IFNL1: variants seen among roughly 807,000 people sequenced by gnomAD.
IFNL1 encodes the protein interferon lambda 1.
Under a neutral mutation model 17.1 loss-of-function variants are expected in IFNL1, and 16 were observed. The ratio of observed to expected loss-of-function variants is 0.93; its 90% CI spans 0.63 to 1.42. The LOEUF is 1.42. Among genes scored for constraint, IFNL1 ranks in the 40% most tolerant of loss-of-function variants. The probability of loss-of-function intolerance (pLI) is 0.00; values close to 1 mark genes in which losing one functional copy is unlikely to be tolerated. For synonymous variants in IFNL1, 104 were observed against 111.4 expected, an observed-to-expected ratio of 0.93 and a Z score of 0.42; for missense variants, 262 against 249.4, an observed-to-expected ratio of 1.05 and a Z score of -0.34.
rs1419662390 is a variant in IFNL1, at chr19:39,296,844, C to A, written c.211C>A (p.Pro71Thr). The change falls in exon 2 of 5, where the codon CCT (proline) becomes ACT (threonine). Residue 71 changes from proline to threonine, a missense_variant. By Grantham distance (38) the Pro-to-Thr change is conservative. Coordinates refer to ENST00000333625, the MANE Select transcript of IFNL1 (RefSeq NM_172140.2). The stretch of plus-strand genomic sequence containing the variant: ...GCTGAAAAACTGGAGTTGCAGCTCT[C>A]CTGTCTTCCCCGGGAATTGGGACCT... ...LKLKNWSCSS[P>T]VFPGNWDLRL... 5 of 1,614,058 alleles carry A rather than the reference C, an allele frequency of 3.1e-6. No homozygotes were observed. In the African/African-American group the frequency reaches 6.7e-5, roughly 22 times the overall value.
intron 2 of IFNL1, among the ~76,000 whole-genome samples, chr19:39,297,699 C>T (rs1369710332): frequency 2.0e-5 from 3 of 151,930 alleles, no homozygotes; most frequent in Non-Finnish European, 4.4e-5. Context: ...GTCCCCACCC[C>T]GCCCCAGAGA....
Position 39,296,428 on chromosome 19 carries a change from G to A in IFNL1, c.7G>A (p.Ala3Thr). Reference protein sequence around the residue: MAAAWTVVLVTLV... With the variant: MATAWTVVLVTLV... The stretch of plus-strand genomic sequence containing the variant: ...AAGCAGTTGCGATTTAGCCATGGCT[G>A]CAGCTTGGACCGTGGTGCTGGTGAC... The change falls in exon 1 of 5, where the codon GCA becomes ACA. Residue 3 changes from alanine to threonine, a missense_variant. By Grantham distance (58) the Ala-to-Thr change is moderately conservative. Coordinates refer to ENST00000333625, the MANE Select transcript of IFNL1 (RefSeq NM_172140.2). 1 of 1,609,560 alleles carries A rather than the reference G, an allele frequency of 6.2e-7. No individual in the cohort carries two copies. The highest frequency in any genetic ancestry group is 8.5e-7 in the Non-Finnish European group (1 of 1,179,340).
At chr19:39,297,877 G>A (rs2075104900) in intron 2 of IFNL1, 87 bp from the exon 3 acceptor site, 43 of 1,537,840 alleles carry the variant, frequency 2.8e-5, no homozygotes, top group Non-Finnish European at 3.4e-5. Flanking sequence ...CTGTGTCACC[G>A]ACCTTCCCCA....
At chr19:39,297,783 T>C (rs1398222341) in intron 2 of IFNL1, among the ~76,000 whole-genome samples, 181 bp from the exon 3 acceptor site, 1 of 146,706 alleles carries the variant, frequency 6.8e-6, no homozygotes, top group Non-Finnish European at 1.5e-5. Flanking sequence ...TCCTTGACCA[T>C]CCTGCCTCAC....
rs780322106 is a variant in IFNL1 at position 39,298,468 on chromosome 19, C to T, written c.555C>T (p.Ala185=). The T allele has an allele frequency of 5.1e-5, 83 of 1,614,044 alleles. No homozygotes were observed. The highest frequency in any genetic ancestry group is 6.6e-5 in the Non-Finnish European group (78 of 1,180,042). ...RLLTRDLKYV[A]DGNLCLRTST... ...TCACGCGAGACCTCAAATATGTGGC[C>T]GATGGGAACCTGTGTCTGAGAACGT... is the stretch of plus-strand genomic sequence containing the variant. Residue 185 remains alanine (A), a synonymous_variant, in exon 5 of 5, where the codon GCC becomes GCT. Coordinates refer to ENST00000333625, the MANE Select transcript of IFNL1 (RefSeq NM_172140.2).
At chr19:39,297,819 C>G in intron 2 of IFNL1, 145 bp from the exon 3 acceptor site, 1 of 941,552 alleles carries the variant, frequency 1.1e-6, no homozygotes. Flanking sequence ...TGTCTTCCCC[C>G]TCCTGTCTCC....
Position 39,296,462 on chromosome 19 carries a change from TA to T in IFNL1, c.42del (p.Gly15AlafsTer33), listed in dbSNP as rs544737421. ...AWTVVLVTLV[L>X]GLAVAGPVPT... ...ACCGTGGTGCTGGTGACTTTGGTGC[TA>T]GGCTTGGCCGTGGCAGGCCCTGTCC... On this transcript the variant is annotated frameshift_variant, in exon 1 of 5. Transcript: ENST00000333625. LOFTEE classifies it high-confidence loss of function. The T allele has an allele frequency of 1.4e-5, 23 of 1,612,232 alleles. No individual in the cohort carries two copies. In the African/African-American group the frequency reaches 2.1e-4, roughly 15 times the overall value.
chr19:39,298,078 C>CA lies in IFNL1; in HGVS notation c.365dup (p.His122GlnfsTer77). The CA allele has an allele frequency of 6.2e-7, 1 of 1,614,162 alleles. No homozygotes were observed. On this transcript the variant is annotated frameshift_variant, in exon 3 of 5. Transcript: ENST00000333625. LOFTEE classifies it high-confidence loss of function. ...CCTAGACCAGCCCCTTCACACCCTG[C>CA]ACCACATCCTCTCCCAGCTCCAGGC... is the stretch of plus-strand genomic sequence containing the variant.
intron 1 of IFNL1, 25 bp downstream of exon 1, chr19:39,296,617 AC>A: frequency 6.2e-7 from 1 of 1,600,602 alleles, no homozygotes; most frequent in Non-Finnish European, 8.5e-7. Context: ...CTGTGGATGA[AC>A]CACTTCTACG....
In IFNL1 at chr19:39,298,564, A is replaced by T; in HGVS notation, c.*48A>T. On this transcript the variant is annotated 3_prime_UTR_variant, in exon 5 of 5. Transcript: ENST00000333625. ...CTGAGCCCTACTCCTTCCTTAATTT[A>T]TTTCCTCTCACCCTTTATTTATGAA... 1 of 1,604,480 alleles carries T rather than the reference A, an allele frequency of 6.2e-7. No individual in the cohort carries two copies.
rs1445391109 is a variant in IFNL1 at position 39,296,509 on chromosome 19, A to G, written c.88A>G (p.Thr30Ala). The G allele has an allele frequency of 6.2e-7, 1 of 1,613,702 alleles. No individual in the cohort carries two copies. Among genetic ancestry groups the G allele is most frequent in the East Asian group, 2.2e-5 (1 of 44,866 alleles). ...GPVPTSKPTT[T>A]GKGCHIGRFK... The stretch of plus-strand genomic sequence containing the variant: ...TGTCCCCACTTCCAAGCCCACCACA[A>G]CTGGGAAGGGCTGCCACATTGGCAG... Residue 30 changes from threonine to alanine, a missense_variant, in exon 1 of 5, where the codon ACT becomes GCT. Transcript: ENST00000333625.
chr19:39,296,956 T>G, intron 2 of IFNL1, 74 bp downstream of exon 2: 1 of 1,117,616 alleles, frequency 8.9e-7, no homozygotes, highest in East Asian at 2.4e-5. Context: ...CCCCTTAGCC[T>G]TCTTTGTTTC....
At chr19:39,296,741 C>G (rs1310377906) in intron 1 of IFNL1, 64 bp from the exon 2 acceptor site, 34 of 1,529,402 alleles carry the variant, frequency 2.2e-5, no homozygotes, top group Non-Finnish European at 2.7e-5. Context: ...CAACTTCATC[C>G]TTGCTGCTAT....
intron 1 of IFNL1, 97 bp from the exon 2 acceptor site, chr19:39,296,708 G>C (rs980603572): frequency 1.3e-6 from 2 of 1,495,804 alleles, no homozygotes; most frequent in Admixed American, 3.5e-5. Flanking sequence ...TTTCTGCACT[G>C]GGTTAAACCC....
Position 39,298,540 on chromosome 19 carries a change from TGAGCCC to T in IFNL1, c.*25_*30del. 2 of 1,613,428 alleles carry T rather than the reference TGAGCCC, an allele frequency of 1.2e-6. No individual in the cohort carries two copies. The highest frequency in any genetic ancestry group is 1.7e-6 in the Non-Finnish European group (2 of 1,179,522). The stretch of plus-strand genomic sequence containing the variant: ...GACACCCCACACCTTATTTATGCGC[TGAGCCC>T]TACTCCTTCCTTAATTTATTTCCTC... On this transcript the variant is annotated 3_prime_UTR_variant, in exon 5 of 5. Transcript: ENST00000333625.
intron 2 of IFNL1, 147 bp from the exon 3 acceptor site, chr19:39,297,817 C>T (rs1188997031): frequency 4.4e-6 from 4 of 915,648 alleles, no homozygotes; most frequent in Non-Finnish European, 1.7e-6. Flanking sequence ...CATGTCTTCC[C>T]CCTCCTGTCT....
chr19:39,296,492 C>G lies in IFNL1; in HGVS notation c.71C>G (p.Thr24Ser), dbSNP rs893252150. 2 of 1,613,562 alleles carry G rather than the reference C, an allele frequency of 1.2e-6. No homozygotes were observed. The highest frequency in any genetic ancestry group is 2.2e-5 in the East Asian group (1 of 44,874). Reference protein sequence around the residue: ...LGLAVAGPVPTSKPTTTGKGC... With the variant: ...LGLAVAGPVPSSKPTTTGKGC... ...TTGGCCGTGGCAGGCCCTGTCCCCA[C>G]TTCCAAGCCCACCACAACTGGGAAG... The change falls in exon 1 of 5, where the codon ACT becomes AGT. Residue 24 changes from threonine to serine, a missense_variant. Thr to Ser is a moderately conservative substitution (Grantham distance 58). Transcript: ENST00000333625.
In IFNL1 at chr19:39,296,551, C is replaced by T; in HGVS notation, c.130C>T (p.Pro44Ser). 6.2e-7 allele frequency: 1 copy of T among 1,613,542 alleles called. No homozygotes were observed. The highest frequency in any genetic ancestry group is 1.1e-5 in the South Asian group (1 of 90,996). Residue 44 changes from proline (P) to serine (S), a missense_variant, in exon 1 of 5, where the codon CCA becomes TCA. Transcript: ENST00000333625. ...CATTGGCAGGTTCAAATCTCTGTCA[C>T]CACAGGAGCTAGCGAGCTTCAAGAA... Reference protein sequence around the residue: ...CHIGRFKSLSPQELASFKKAR... With the variant: ...CHIGRFKSLSSQELASFKKAR...
In IFNL1 at chr19:39,296,447, T is replaced by C. The variant is rs757627230; in HGVS notation, c.26T>C (p.Leu9Pro). 2.5e-6 allele frequency: 4 copies of C among 1,611,884 alleles called. No individual in the cohort carries two copies. In the Admixed American group the frequency reaches 5.0e-5, roughly 20 times the overall value. The change falls in exon 1 of 5, where the codon CTG (leucine) becomes CCG (proline). Residue 9 changes from leucine to proline, a missense_variant. Physicochemically the swap from Leu to Pro is moderately conservative, Grantham distance 98. Transcript: ENST00000333625. ...ATGGCTGCAGCTTGGACCGTGGTGC[T>C]GGTGACTTTGGTGCTAGGCTTGGCC... Reference protein sequence around the residue: MAAAWTVVLVTLVLGLAVA... With the variant: MAAAWTVVPVTLVLGLAVA...
Sources: gnomAD v4.1 joint callset for allele counts (sites outside exome capture counted in the v4.1 genomes callset) on GRCh38, gnomAD v4.1.1 for gene constraint, MANE v1.5 for transcripts, NCBI Gene and HGNC (gene_info 2026-07-23, HGNC 2026-07-21) for gene names.